The following RFX2 variants were observed in gnomAD, a reference collection of about 807,000 sequenced individuals.
The protein encoded by RFX2 is regulatory factor X2, also known as DNA-binding protein RFX2.
In RFX2, 20 loss-of-function variants were observed where a neutral mutation model predicts 87.8. The ratio of observed to expected loss-of-function variants is 0.23; its 90% CI spans 0.16 to 0.33. The LOEUF (loss-of-function observed/expected upper bound fraction) is 0.33, where lower values mean the gene tolerates loss of function less well. RFX2 is among the 10% of genes least tolerant of loss of function. The probability of loss-of-function intolerance (pLI) is 1.00; values close to 1 mark genes in which losing one functional copy is unlikely to be tolerated. For missense variants in RFX2, 767 were observed against 1,012.3 expected (o/e 0.76, Z 3.29); for synonymous variants, 397 against 431.3 (o/e 0.92, Z 0.98).
chr19:6,011,942 A>G lies in RFX2; in HGVS notation c.899+1044T>C, dbSNP rs2086664817. On this transcript the variant is annotated intron_variant, in intron 8 of 17. Transcript: ENST00000303657. The surrounding 1 kb of genome is among the most constrained non-coding windows in gnomAD (Gnocchi z 4.8). ...GCCCTAAACCAGGGGCCAGCAAACT[A>G]TGGCCTGAGGGCCAATTCTGCTGTT... 6.6e-6 allele frequency among the ~76,000 whole-genome samples: 1 copy of G among 152,276 alleles called. No homozygotes were observed. The highest frequency in any genetic ancestry group is 2.4e-5 in the African/African-American group (1 of 41,484).
rs551250002 is a variant in RFX2 at position 6,098,239 on chromosome 19, C to T, written c.-9+12154G>A. On this transcript the variant is annotated intron_variant, in intron 1 of 17. Coordinates refer to ENST00000303657, the MANE Select transcript of RFX2 (RefSeq NM_000635.4). ...TGCTACCCCTGAAGTTTATCCCAGC[C>T]TCAGTGGTTTATATTTTGACTTGCA... 7.5e-4 allele frequency among the ~76,000 whole-genome samples: 114 copies of T among 152,100 alleles called. 1 individual carries two copies. Among genetic ancestry groups the T allele is most frequent in the East Asian group, 1.7e-3 (9 of 5,168 alleles).
intron 7 of RFX2, among the ~76,000 whole-genome samples, chr19:6,014,655 C>A (rs997670218): frequency 2.0e-5 from 3 of 152,284 alleles, no homozygotes; most frequent in African/African-American, 7.2e-5. Flanking sequence ...CAGCCTTAAT[C>A]CTGAAGCCAG....
Position 6,040,326 on chromosome 19 carries a change from C to A in RFX2, c.261-85G>T. Reference sequence around the variant, plus strand: ...TTCACAGATATCCAGCCAAACATCACGTAAAAGCTGCAACCCAGAGAGGCC... The same window carrying A: ...TTCACAGATATCCAGCCAAACATCAAGTAAAAGCTGCAACCCAGAGAGGCC... On this transcript the variant is annotated intron_variant, in intron 4 of 17. Transcript: ENST00000303657. This position sits in a 1 kb window ranked among gnomAD's most constrained non-coding sequence, Gnocchi z 6.1. The A allele has an allele frequency of 1.4e-6, 2 of 1,407,380 alleles. No homozygotes were observed. Among genetic ancestry groups the A allele is most frequent in the Non-Finnish European group, 9.5e-7 (1 of 1,055,294 alleles). The allele number at this position is 1,407,380 out of a possible 1,614,324, so 87.2% of individuals were successfully genotyped here.
intron 3 of RFX2, among the ~76,000 whole-genome samples, chr19:6,043,424 C>T: frequency 6.6e-6 from 1 of 152,328 alleles, no homozygotes; most frequent in East Asian, 1.9e-4. Context: ...AAGAGCGGTG[C>T]ATTCTCTAGG....
At chr19:6,060,256 T>C (rs1463946121) in intron 1 of RFX2, among the ~76,000 whole-genome samples, 1 of 152,176 alleles carries the variant, frequency 6.6e-6, no homozygotes, top group Admixed American at 6.5e-5. Context: ...CATTTTCCCA[T>C]TATCTATGAT....
At chr19:6,080,375 AC>A (rs1429959435) in intron 1 of RFX2, among the ~76,000 whole-genome samples, 1 of 152,172 alleles carries the variant, frequency 6.6e-6, no homozygotes, top group Non-Finnish European at 1.5e-5. Context: ...AACGTGAGCC[AC>A]GACACCCAGC....
At position 5,994,645 on chromosome 19, in the gene RFX2, C is replaced by G. The variant is rs1443750744; in HGVS notation, c.*190G>C. 2 of 587,982 alleles carry G rather than the reference C, an allele frequency of 3.4e-6. No individual in the cohort carries two copies. The highest frequency in any genetic ancestry group is 2.0e-5 in the South Asian group (1 of 49,292). The allele number at this position is 587,982 out of a possible 1,614,324, so 36.4% of individuals were successfully genotyped here. A position where few individuals can be genotyped will look rare whatever the true frequency, so the allele number is the denominator to read the frequency against. Reference sequence around the variant, plus strand: ...AGCACAGCTACAGCCAGTGGGAGCCCTGGCCTGGGCTTCTGTAGCTTCAAC... The same window carrying G: ...AGCACAGCTACAGCCAGTGGGAGCCGTGGCCTGGGCTTCTGTAGCTTCAAC... On this transcript the variant is annotated 3_prime_UTR_variant, in exon 18 of 18. Transcript: ENST00000303657.
chr19:6,030,379 C>T (rs1171513416), intron 5 of RFX2, among the ~76,000 whole-genome samples: 1 of 152,288 alleles, frequency 6.6e-6, no homozygotes, highest in African/African-American at 2.4e-5. Flanking sequence ...GAAAAACCCA[C>T]ATGTCAATGA....
In RFX2 at chr19:6,004,890, G is replaced by A. The variant is rs1275228938; in HGVS notation, c.1403-592C>T. ...TCCCAGCACTTTGGGAGGCCGAGGT[G>A]GGCGGATCACCTGAGGTCCGGAGTT... On this transcript the variant is annotated intron_variant, in intron 12 of 17. Transcript: ENST00000303657. The surrounding 1 kb of genome is among the most constrained non-coding windows in gnomAD (Gnocchi z 4.8). Among the ~76,000 whole-genome samples the A allele has an allele frequency of 2.0e-5, 3 of 152,010 alleles. No individual in the cohort carries two copies. Among genetic ancestry groups the A allele is most frequent in the Non-Finnish European group, 2.9e-5 (2 of 68,002 alleles).
At position 6,016,174 on chromosome 19, in the gene RFX2, T is replaced by C; in HGVS notation, c.695A>G (p.Lys232Arg). 2 of 1,614,132 alleles carry C rather than the reference T, an allele frequency of 1.2e-6. No individual in the cohort carries two copies. The highest frequency in any genetic ancestry group is 1.7e-6 in the Non-Finnish European group (2 of 1,179,982). ...NHYLRHCQEH[K>R]LDPVNAASFG... ...GGAGGCGGCGTTCACTGGGTCTAGCTTGTGCTCCTGGCAGTGCCGAAGGTA... is the reference window on the plus strand; with the variant it reads ...GGAGGCGGCGTTCACTGGGTCTAGCCTGTGCTCCTGGCAGTGCCGAAGGTA... The change falls in exon 7 of 18, where the codon AAG (lysine) becomes AGG (arginine). Residue 232 changes from lysine (K) to arginine (R), a missense_variant. This residue lies in a region of RFX2 where 621 missense variants were observed against 873.0 expected (regional missense o/e 0.71). Transcript: ENST00000303657. This position sits in a 1 kb window ranked among gnomAD's most constrained non-coding sequence, Gnocchi z 5.4.
chr19:6,103,507 G>C (rs1404938602), intron 1 of RFX2, among the ~76,000 whole-genome samples: 1 of 152,162 alleles, frequency 6.6e-6, no homozygotes, highest in African/African-American at 2.4e-5. Context: ...CTCATTTCCA[G>C]ACTCTGACTG....
chr19:6,004,979 C>G lies in RFX2; in HGVS notation c.1403-681G>C, dbSNP rs760039635. Among the ~76,000 whole-genome samples the G allele has an allele frequency of 6.6e-6, 1 of 151,870 alleles. No individual in the cohort carries two copies. ...ACTAAAAATACAAAAATGATCTGGA[C>G]GTGGCGGTGGGTGCCTGTAGTCCCA... On this transcript the variant is annotated intron_variant, in intron 12 of 17. Coordinates refer to ENST00000303657, the MANE Select transcript of RFX2 (RefSeq NM_000635.4). This position sits in a 1 kb window ranked among gnomAD's most constrained non-coding sequence, Gnocchi z 4.8.
At chr19:6,035,850 G>GTGT (rs1555776253) in intron 5 of RFX2, among the ~76,000 whole-genome samples, 4,999 of 137,182 alleles carry the variant, frequency 0.036, 122 homozygotes, top group African/African-American at 0.075. Flanking sequence ...CTTGGTGGGG[G>GTGT]GTGTGTGTGT....
intron 17 of RFX2, 100 bp downstream of exon 17, chr19:5,995,501 G>T: frequency 2.5e-6 from 3 of 1,219,352 alleles, no homozygotes; most frequent in Non-Finnish European, 3.5e-6. Flanking sequence ...GGGGCTGCCC[G>T]CATTTCCACC....
rs1458117255 is a variant in RFX2, at chr19:6,110,349, A to C, written c.-9+44T>G. On this transcript the variant is annotated intron_variant, in intron 1 of 17. Coordinates refer to ENST00000303657, the MANE Select transcript of RFX2 (RefSeq NM_000635.4). The surrounding 1 kb of genome is among the most constrained non-coding windows in gnomAD (Gnocchi z 4.3). ...CCGAACGGGGTCCCCGCCGCCCCCCACACTCCCCGGCCGGGCTGGGCCCGG... is the reference window on the plus strand; with the variant it reads ...CCGAACGGGGTCCCCGCCGCCCCCCCCACTCCCCGGCCGGGCTGGGCCCGG... The C allele has an allele frequency of 6.7e-6, 1 of 148,780 alleles. No individual in the cohort carries two copies. The highest frequency in any genetic ancestry group is 1.5e-5 in the Non-Finnish European group (1 of 67,198). 9.2% of individuals were successfully genotyped at this position (148,780 alleles called of 1,614,324 possible).
chr19:6,063,742 C>T lies in RFX2; in HGVS notation c.-8-16238G>A, dbSNP rs139453011. ...AATGCGGATATGAGGGGCAGGAATA[C>T]ACTCTGGGGTGGGGCCGTCCTGGGC... On this transcript the variant is annotated intron_variant, in intron 1 of 17. Coordinates refer to ENST00000303657, the MANE Select transcript of RFX2 (RefSeq NM_000635.4). This position sits in a 1 kb window ranked among gnomAD's most constrained non-coding sequence, Gnocchi z 4.0. Among the ~76,000 whole-genome samples, 335 of 152,292 alleles carry T rather than the reference C, an allele frequency of 2.2e-3. No homozygotes were observed. The highest frequency in any genetic ancestry group is 7.3e-3 in the African/African-American group (304 of 41,552).
rs1311909637 is a variant in RFX2 at position 6,027,510 on chromosome 19, G to A, written c.523-1273C>T. ...GCCATTCTGATCTGCAGCTTGGGCA[G>A]CCACGTGAGTACTGCCCTGTGGCAC... is the stretch of plus-strand genomic sequence containing the variant. On this transcript the variant is annotated intron_variant, in intron 5 of 17. Coordinates refer to ENST00000303657, the MANE Select transcript of RFX2 (RefSeq NM_000635.4). The surrounding 1 kb of genome is among the most constrained non-coding windows in gnomAD (Gnocchi z 5.0). Among the ~76,000 whole-genome samples, 2 of 152,206 alleles carry A rather than the reference G, an allele frequency of 1.3e-5. No individual in the cohort carries two copies. Among genetic ancestry groups the A allele is most frequent in the African/African-American group, 4.8e-5 (2 of 41,452 alleles).
At position 6,002,163 on chromosome 19, in the gene RFX2, G is replaced by C; in HGVS notation, c.1651-140C>G. Reference sequence around the variant, plus strand: ...CTTGACCTTGACAGCTGCAAGCCAAGTCCTGTGTCTCCCGTCACAGGGGCA... The same window carrying C: ...CTTGACCTTGACAGCTGCAAGCCAACTCCTGTGTCTCCCGTCACAGGGGCA... On this transcript the variant is annotated intron_variant, in intron 14 of 17. Coordinates refer to ENST00000303657, the MANE Select transcript of RFX2 (RefSeq NM_000635.4). This position sits in a 1 kb window ranked among gnomAD's most constrained non-coding sequence, Gnocchi z 6.7. The C allele has an allele frequency of 1.4e-6, 1 of 700,160 alleles. No homozygotes were observed. Among genetic ancestry groups the C allele is most frequent in the Non-Finnish European group, 2.3e-6 (1 of 438,632 alleles). The allele number at this position is 700,160 out of a possible 1,614,324, so 43.4% of individuals were successfully genotyped here.
rs538014351 is a variant in RFX2 at position 6,073,042 on chromosome 19, C to T, written c.-8-25538G>A. 653 of 477,194 alleles carry T rather than the reference C, an allele frequency of 1.4e-3. 9 individuals are homozygous for T. The highest frequency in any genetic ancestry group is 0.013 in the South Asian group (621 of 46,732). 29.6% of individuals were successfully genotyped at this position (477,194 alleles called of 1,614,324 possible). On this transcript the variant is annotated intron_variant, in intron 1 of 17. Coordinates refer to ENST00000303657, the MANE Select transcript of RFX2 (RefSeq NM_000635.4). ...TTGTGCAGGCTGCAGTGCAGTGGTG[C>T]GATCTCAGCTCACTGCAACCTCCGC... is the stretch of plus-strand genomic sequence containing the variant.
Sources: gnomAD v4.1 joint callset for allele counts (sites outside exome capture counted in the v4.1 genomes callset) on GRCh38, gnomAD v4.1.1 for gene constraint, gnomAD v4.1.1 regional missense constraint, Gnocchi (gnomAD v3.1) non-coding constraint, MANE v1.5 for transcripts, NCBI Gene and HGNC (gene_info 2026-07-23, HGNC 2026-07-21) for gene names.